Variants in CFAP299 observed in about 807,000 individuals in gnomAD.
CFAP299 encodes the protein cilia and flagella associated protein 299.
A neutral mutation model predicts 27.0 loss-of-function variants in CFAP299; 21 were observed. That is an observed-to-expected ratio of 0.78 (90% CI 0.55 to 1.12). CFAP299 has a LOEUF of 1.12. CFAP299 is among the 50% of genes most tolerant of loss of function. The pLI, the probability that CFAP299 is intolerant of heterozygous loss-of-function variation, is 0.00. For missense variants in CFAP299, 310 were observed against 276.6 expected (o/e 1.12, Z -0.86); for synonymous variants, 104 against 98.1 (o/e 1.06, Z -0.36).
intron 2 of CFAP299, among the ~76,000 whole-genome samples, chr4:80,421,936 G>A (rs939067781): frequency 2.2e-4 from 33 of 152,074 alleles, no homozygotes; most frequent in South Asian, 2.1e-4. Context: ...TAATATGGTC[G>A]TCAGCAAAAC....
At chr4:80,898,676 A>G (rs1578222534) in intron 4 of CFAP299, among the ~76,000 whole-genome samples, 1 of 152,090 alleles carries the variant, frequency 6.6e-6, no homozygotes, top group East Asian at 1.9e-4. Context: ...GCTGTAAGAT[A>G]ATCTGAGAAA....
At chr4:80,832,529 A>G (rs1173522988) in intron 3 of CFAP299, among the ~76,000 whole-genome samples, 1 of 152,130 alleles carries the variant, frequency 6.6e-6, no homozygotes, top group Non-Finnish European at 1.5e-5. Flanking sequence ...AAAAAAGCTT[A>G]TATAATTTTT....
chr4:80,660,288 C>A (rs1353930817), intron 3 of CFAP299, among the ~76,000 whole-genome samples: 2 of 151,810 alleles, frequency 1.3e-5, no homozygotes, highest in East Asian at 1.9e-4. Context: ...ATGGCGGGGA[C>A]TGTTGTAAAG....
intron 4 of CFAP299, among the ~76,000 whole-genome samples, chr4:80,934,297 A>G (rs1325693163): frequency 1.3e-5 from 2 of 152,102 alleles, no homozygotes; most frequent in East Asian, 1.9e-4. Flanking sequence ...CTTTAGATAT[A>G]CCATTCAATT....
At chr4:80,843,761 T>A (rs991187374) in intron 3 of CFAP299, among the ~76,000 whole-genome samples, 14 of 152,004 alleles carry the variant, frequency 9.2e-5, no homozygotes, top group South Asian at 2.1e-4. Context: ...GATTTTTTTT[T>A]AATTTTATTA....
intron 2 of CFAP299, among the ~76,000 whole-genome samples, chr4:80,365,367 A>G (rs997853697): frequency 2.6e-5 from 4 of 151,936 alleles, no homozygotes; most frequent in African/African-American, 7.3e-5. Flanking sequence ...TTTTTCTTAT[A>G]TGTTTGTTGG....
chr4:80,691,322 G>T (rs1334400893), intron 3 of CFAP299, among the ~76,000 whole-genome samples: 2 of 130,028 alleles, frequency 1.5e-5, no homozygotes, highest in Non-Finnish European at 3.2e-5. Flanking sequence ...GAATCCAGCA[G>T]CACATCAAAA....
chr4:80,922,319 A>T (rs1484589830), intron 4 of CFAP299, among the ~76,000 whole-genome samples: 1 of 152,060 alleles, frequency 6.6e-6, no homozygotes, highest in Admixed American at 6.6e-5. Context: ...GTTGGGAGAT[A>T]AGCTTTTACT....
intron 3 of CFAP299, among the ~76,000 whole-genome samples, chr4:80,704,446 A>C (rs1721702405): frequency 6.6e-6 from 1 of 151,846 alleles, no homozygotes; most frequent in Admixed American, 6.6e-5. Flanking sequence ...TAAGGAATGC[A>C]GAGTTAAATT....
At chr4:80,836,495 T>G (rs759591228) in intron 3 of CFAP299, among the ~76,000 whole-genome samples, 7 of 152,186 alleles carry the variant, frequency 4.6e-5, no homozygotes, top group Non-Finnish European at 1.0e-4. Flanking sequence ...GCCCCTTTCC[T>G]CTACATTCAA....
chr4:80,391,192 C>T (rs1725462209), intron 2 of CFAP299, among the ~76,000 whole-genome samples: 1 of 152,032 alleles, frequency 6.6e-6, no homozygotes, highest in Admixed American at 6.6e-5. Context: ...TATGGGAGTG[C>T]AGATATCTTT....
chr4:80,899,038 A>G (rs531443553), intron 4 of CFAP299, among the ~76,000 whole-genome samples: 252 of 152,340 alleles, frequency 1.7e-3, no homozygotes, highest in Non-Finnish European at 2.8e-3. Context: ...TCTGGAGCCA[A>G]ACTGGATTTA....
chr4:80,801,741 T>A (rs1728617513), intron 3 of CFAP299, among the ~76,000 whole-genome samples: 1 of 152,010 alleles, frequency 6.6e-6, no homozygotes, highest in Non-Finnish European at 1.5e-5. Flanking sequence ...AAAAACAAAA[T>A]AAGCTGTTGA....
At chr4:80,703,106 G>A (rs1721610988) in intron 3 of CFAP299, among the ~76,000 whole-genome samples, 1 of 151,664 alleles carries the variant, frequency 6.6e-6, no homozygotes, top group Admixed American at 6.6e-5. Context: ...ATTTAATAAA[G>A]AAGTTAGTGA....
At chr4:80,799,825 T>TATTATAA (rs1728253113) in intron 3 of CFAP299, among the ~76,000 whole-genome samples, 1 of 38,648 alleles carries the variant, frequency 2.6e-5, no homozygotes, top group East Asian at 1.4e-3. Context: ...ATATATTATA[T>TATTATAA]ATATTTATAT....
chr4:80,587,148 G>A (rs190214588), intron 3 of CFAP299, among the ~76,000 whole-genome samples: 1 of 152,130 alleles, frequency 6.6e-6, no homozygotes, highest in East Asian at 1.9e-4. Flanking sequence ...GAAAATGAAG[G>A]TATTATACAG....
chr4:80,862,228 G>T (rs1428882085), intron 3 of CFAP299, among the ~76,000 whole-genome samples: 1 of 151,992 alleles, frequency 6.6e-6, no homozygotes, highest in Non-Finnish European at 1.5e-5. Flanking sequence ...AAATTAGCTT[G>T]GAGCAGTGGC....
chr4:80,471,577 TGGGGGTGGGGGGGAGCAG>T (rs1415032888), intron 2 of CFAP299, among the ~76,000 whole-genome samples: 28 of 19,030 alleles, frequency 1.5e-3, no homozygotes, highest in Non-Finnish European at 2.8e-3. Context: ...AGGGCGGGGG[TGGGGGTGGGGGGGAGCAG>T]GGGGGTTGGG....
chr4:80,799,924 ATAT>A (rs1728293593), intron 3 of CFAP299, among the ~76,000 whole-genome samples: 3 of 45,016 alleles, frequency 6.7e-5, no homozygotes, highest in South Asian at 1.4e-3. Context: ...TATAATATAT[ATAT>A]TTATATATTA....
Sources: gnomAD v4.1 joint callset for allele counts (sites outside exome capture counted in the v4.1 genomes callset) on GRCh38, gnomAD v4.1.1 for gene constraint, MANE v1.5 for transcripts, NCBI Gene and HGNC (gene_info 2026-07-23, HGNC 2026-07-21) for gene names.